Variants in FBN2 observed in about 807,000 individuals in gnomAD.
FBN2 encodes fibrillin-2.
In FBN2, 105 loss-of-function variants were observed where a neutral mutation model predicts 355.6. The observed-to-expected ratio is 0.30, with a 90% CI of 0.25 to 0.35. FBN2 has a LOEUF of 0.35. Among genes scored for constraint, FBN2 ranks in the 10% least tolerant of loss-of-function variants. The pLI is 1.00. For missense variants in FBN2, 3,280 were observed against 3,758.7 expected, an observed-to-expected ratio of 0.87 and a Z score of 3.33; for synonymous variants, 1,350 against 1,301.2, an observed-to-expected ratio of 1.04 and a Z score of -0.81.
In FBN2 at chr5:128,537,446, C is replaced by G. The variant is rs375093230; in HGVS notation, c.158G>C (p.Gly53Ala). 3 of 1,607,900 alleles carry G rather than the reference C, an allele frequency of 1.9e-6. No individual in the cohort carries two copies. In the Admixed American group the frequency reaches 5.0e-5, roughly 27 times the overall value. ...PPQQVRSATAGSEGGFLAPEY... is the reference protein window; with the variant it reads ...PPQQVRSATAASEGGFLAPEY... ...GGGCGCTAGAAACCCGCCTTCAGAG[C>G]CTGCTGTAGCGGACCGAACCTGTTG... Residue 53 changes from glycine (G) to alanine (A), a missense_variant, in exon 1 of 65, where the codon GGC (glycine) becomes GCC (alanine). By Grantham distance (60) the Gly-to-Ala change is moderately conservative. This residue lies in a region of FBN2 where 203 missense variants were observed against 142.2 expected (regional missense o/e 1.43). Coordinates refer to ENST00000262464, the MANE Select transcript of FBN2 (RefSeq NM_001999.4).
At chr5:128,340,964 G>A (rs187648115) in intron 25 of FBN2, among the ~76,000 whole-genome samples, 5 of 152,284 alleles carry the variant, frequency 3.3e-5, no homozygotes, top group African/African-American at 9.6e-5. Context: ...GAGATGAAGC[G>A]CACCGGTGAA....
chr5:128,303,686 A>T lies in FBN2; in HGVS notation c.5801-597T>A, dbSNP rs560829210. ...GCTGCTGAAACTCTACCACACCAAA[A>T]AAAGGGTGGGGGCTGGTATTGTTCT... On this transcript the variant is annotated intron_variant, in intron 45 of 64. Coordinates refer to ENST00000262464, the MANE Select transcript of FBN2 (RefSeq NM_001999.4). Among the ~76,000 whole-genome samples, 62 of 152,264 alleles carry T rather than the reference A, an allele frequency of 4.1e-4. 1 individual carries two copies. The South Asian group carries it at 0.013, about 31-fold the overall frequency.
At chr5:128,433,989 T>C (rs1380475100) in intron 7 of FBN2, among the ~76,000 whole-genome samples, 2 of 152,112 alleles carry the variant, frequency 1.3e-5, no homozygotes, top group Non-Finnish European at 2.9e-5. Flanking sequence ...TTGTGTCTTC[T>C]AAAATAAGGG....
At chr5:128,395,397 C>A in intron 8 of FBN2, 123 bp from the exon 9 acceptor site, 2 of 1,013,884 alleles carry the variant, frequency 2.0e-6, no homozygotes, top group South Asian at 1.4e-5. Flanking sequence ...TTATCTATTC[C>A]TTTCTTCACT....
chr5:128,371,774 C>A (rs1751951528), intron 15 of FBN2, among the ~76,000 whole-genome samples: 1 of 152,140 alleles, frequency 6.6e-6, no homozygotes, highest in African/African-American at 2.4e-5. Flanking sequence ...TTCAGGTGAT[C>A]CACCTGCCTT....
At chr5:128,290,075 A>G (rs1237958739) in intron 50 of FBN2, 128 bp from the exon 51 acceptor site, 1 of 688,120 alleles carries the variant, frequency 1.5e-6, no homozygotes, top group Non-Finnish European at 2.6e-6. Context: ...CTATAACAAG[A>G]CTCTTTTATT....
At chr5:128,529,790 A>G (rs1756656439) in intron 3 of FBN2, among the ~76,000 whole-genome samples, 1 of 152,202 alleles carries the variant, frequency 6.6e-6, no homozygotes, top group Non-Finnish European at 1.5e-5. Context: ...GATGAATTTG[A>G]ATGGTAGGTT....
intron 53 of FBN2, among the ~76,000 whole-genome samples, chr5:128,287,986 G>C (rs1453029907): frequency 2.0e-5 from 3 of 152,206 alleles, no homozygotes; most frequent in Non-Finnish European, 4.4e-5. Flanking sequence ...AGAACTGACA[G>C]ATGAGCCACC....
intron 7 of FBN2, among the ~76,000 whole-genome samples, chr5:128,412,694 T>C (rs1209094956): frequency 1.3e-5 from 2 of 152,232 alleles, no homozygotes; most frequent in Non-Finnish European, 2.9e-5. Flanking sequence ...GCTTAGCTAG[T>C]TAGGCATATG....
chr5:128,284,442 C>T (rs1749079723), intron 55 of FBN2, among the ~76,000 whole-genome samples: 2 of 152,190 alleles, frequency 1.3e-5, no homozygotes, highest in African/African-American at 4.8e-5. Context: ...ATTTGCCTAC[C>T]TTTAGACCCA....
intron 7 of FBN2, among the ~76,000 whole-genome samples, chr5:128,420,760 A>G (rs1753324558): frequency 6.6e-6 from 1 of 152,216 alleles, no homozygotes; most frequent in Admixed American, 6.5e-5. Context: ...AAATAAACAG[A>G]TACTGATTGG....
At chr5:128,521,026 T>C (rs1756419225) in intron 4 of FBN2, among the ~76,000 whole-genome samples, 1 of 152,124 alleles carries the variant, frequency 6.6e-6, no homozygotes, top group South Asian at 2.1e-4. Flanking sequence ...AGTAATTCCA[T>C]AGAAACAACT....
At chr5:128,421,042 T>C (rs1274121918) in intron 7 of FBN2, among the ~76,000 whole-genome samples, 2 of 152,100 alleles carry the variant, frequency 1.3e-5, no homozygotes, top group African/African-American at 2.4e-5. Flanking sequence ...ACAATGAAAA[T>C]ACTCTAGCTA....
At position 128,269,863 on chromosome 5, in the gene FBN2, C is replaced by T. The variant is rs193200238; in HGVS notation, c.7960+2136G>A. Among the ~76,000 whole-genome samples the T allele has an allele frequency of 3.3e-3, 499 of 151,946 alleles. 1 individual carries two copies. Among genetic ancestry groups the T allele is most frequent in the South Asian group, 0.012 (56 of 4,822 alleles). On this transcript the variant is annotated intron_variant, in intron 62 of 64. Transcript: ENST00000262464. ...AAACTACCATAAATTTCATATGGAACCAAAGAAGAGCGTGTATAGCCAAGA... is the reference window on the plus strand; with the variant it reads ...AAACTACCATAAATTTCATATGGAATCAAAGAAGAGCGTGTATAGCCAAGA...
chr5:128,283,767 G>C (rs1299071668), intron 55 of FBN2, among the ~76,000 whole-genome samples: 2 of 152,118 alleles, frequency 1.3e-5, no homozygotes, highest in African/African-American at 4.8e-5. Flanking sequence ...GACCAAAACA[G>C]AACTTTTATT....
chr5:128,289,923 T>C lies in FBN2; in HGVS notation c.6470A>G (p.Tyr2157Cys). Residue 2157 changes from tyrosine (Y) to cysteine (C), a missense_variant, in exon 51 of 65, where the codon TAT becomes TGT. By Grantham distance (194) the Tyr-to-Cys change is radical (BLOSUM62 -2). Coordinates refer to ENST00000262464, the MANE Select transcript of FBN2 (RefSeq NM_001999.4). Reference protein sequence around the residue: ...DEVAFQDLCPYGHGTVPSLHD... With the variant: ...DEVAFQDLCPCGHGTVPSLHD... ...AAGACTAGGGACAGTTCCATGGCCA[T>C]ATGGACACAAATCCTGAAATGCAAC... 1.2e-6 allele frequency: 2 copies of C among 1,605,190 alleles called. No homozygotes were observed. Among genetic ancestry groups the C allele is most frequent in the Non-Finnish European group, 1.7e-6 (2 of 1,172,016 alleles).
chr5:128,516,470 G>A (rs1280336778), intron 5 of FBN2, among the ~76,000 whole-genome samples: 1 of 151,388 alleles, frequency 6.6e-6, no homozygotes, highest in Non-Finnish European at 1.5e-5. Context: ...CCCACACTCA[G>A]ACTCAAGTTA....
intron 37 of FBN2, 113 bp downstream of exon 37, chr5:128,312,521 G>A: frequency 8.6e-7 from 1 of 1,157,358 alleles, no homozygotes; most frequent in Non-Finnish European, 1.3e-6. Flanking sequence ...TTCAAATTCA[G>A]TTTTTTTGTT....
intron 14 of FBN2, among the ~76,000 whole-genome samples, chr5:128,375,554 T>C (rs937568763): frequency 1.6e-4 from 24 of 152,170 alleles, no homozygotes; most frequent in Admixed American, 1.4e-3. Flanking sequence ...AAAATTTGTT[T>C]CTTACTCAGA....
Sources: gnomAD v4.1 joint callset for allele counts (sites outside exome capture counted in the v4.1 genomes callset) on GRCh38, gnomAD v4.1.1 for gene constraint, gnomAD v4.1.1 regional missense constraint, MANE v1.5 for transcripts, NCBI Gene and HGNC (gene_info 2026-07-23, HGNC 2026-07-21) for gene names.